The following XDH variants were observed in gnomAD, a reference collection of about 807,000 sequenced individuals.
XDH encodes the protein xanthine dehydrogenase, also known as xanthine dehydrogenase/oxidase.
XDH carries 138 observed loss-of-function variants against 156.1 expected under a neutral mutation model. The observed-to-expected ratio is 0.88, with a 90% CI of 0.77 to 1.02. XDH has a LOEUF of 1.02. XDH is among the 50% of genes least tolerant of loss of function. The pLI is 0.00. For synonymous variants in XDH, 669 were observed against 625.7 expected, an observed-to-expected ratio of 1.07 and a Z score of -1.03; for missense variants, 1,849 against 1,684.9, an observed-to-expected ratio of 1.10 and a Z score of -1.71.
intron 6 of XDH, among the ~76,000 whole-genome samples, chr2:31,394,027 G>A (rs1686840296): frequency 6.6e-6 from 1 of 151,750 alleles, no homozygotes; most frequent in Admixed American, 6.6e-5. Context: ...CAAATGCATG[G>A]TTGCTATGAT....
chr2:31,373,218 G>T (rs1686125197), intron 16 of XDH, among the ~76,000 whole-genome samples: 1 of 152,324 alleles, frequency 6.6e-6, no homozygotes. Flanking sequence ...TTAGGAAATG[G>T]CAGAGTGTGG....
At chr2:31,370,650 T>C (rs1333150594) in intron 17 of XDH, among the ~76,000 whole-genome samples, 172 bp from the exon 18 acceptor site, 1 of 152,242 alleles carries the variant, frequency 6.6e-6, no homozygotes, top group African/African-American at 2.4e-5. Flanking sequence ...TCTGCAAATG[T>C]TGATTAAATC....
chr2:31,397,783 G>T, intron 5 of XDH, 54 bp from the exon 6 acceptor site: 1 of 1,607,510 alleles, frequency 6.2e-7, no homozygotes. Context: ...GGATGGGTGA[G>T]GAGTTTGTGA....
chr2:31,381,597 G>C (rs561823271), intron 12 of XDH, 36 bp downstream of exon 12: 3 of 1,605,702 alleles, frequency 1.9e-6, no homozygotes, highest in South Asian at 1.1e-5. Flanking sequence ...TCTCCCCCAA[G>C]TCCTTCTTCC....
In XDH at chr2:31,346,347, A is replaced by C. The variant is rs573272104; in HGVS notation, c.3351+422T>G. ...GGTGATGTTTTCTCCCCACGCTGTC[A>C]CAGAGGGAATCTCAGTAGACTCAGA... On this transcript the variant is annotated intron_variant, in intron 30 of 35. Transcript: ENST00000379416. Among the ~76,000 whole-genome samples, 16 of 152,312 alleles carry C rather than the reference A, an allele frequency of 1.1e-4. 1 individual carries two copies. In the East Asian group the frequency reaches 3.1e-3, roughly 29 times the overall value.
intron 6 of XDH, among the ~76,000 whole-genome samples, chr2:31,396,024 G>A (rs72790647): frequency 0.019 from 2,930 of 152,238 alleles, 49 homozygotes; most frequent in Non-Finnish European, 0.029. Flanking sequence ...TGTGTGCTGT[G>A]GACAGGAAAG....
At chr2:31,364,601 G>C (rs1685860731) in intron 23 of XDH, among the ~76,000 whole-genome samples, 1 of 152,012 alleles carries the variant, frequency 6.6e-6, no homozygotes, top group African/African-American at 2.4e-5. Context: ...GAGAAACTAG[G>C]AAAGATACCG....
At chr2:31,362,289 C>G (rs1246602013) in intron 24 of XDH, among the ~76,000 whole-genome samples, 1 of 151,962 alleles carries the variant, frequency 6.6e-6, no homozygotes. Context: ...ATGTCTGGAT[C>G]CAAAAAGGGG....
chr2:31,401,975 T>C (rs1687072076), intron 3 of XDH, among the ~76,000 whole-genome samples: 1 of 152,202 alleles, frequency 6.6e-6, no homozygotes, highest in Non-Finnish European at 1.5e-5. Flanking sequence ...TTCAACAGAC[T>C]GCAGTCAACT....
intron 6 of XDH, among the ~76,000 whole-genome samples, chr2:31,395,530 T>C (rs1686879412): frequency 6.6e-6 from 1 of 152,356 alleles, no homozygotes; most frequent in Non-Finnish European, 1.5e-5. Flanking sequence ...CAAGGAGATT[T>C]TTCTCCAACA....
intron 18 of XDH, among the ~76,000 whole-genome samples, chr2:31,369,429 G>A (rs980715073): frequency 1.3e-5 from 2 of 152,044 alleles, no homozygotes; most frequent in African/African-American, 4.8e-5. Context: ...CAACATCCCC[G>A]AAAAAGTAAA....
In XDH at chr2:31,337,635, T is replaced by A; in HGVS notation, c.3951+6A>T. On this transcript the variant is annotated splice_donor_region_variant and intron_variant, in intron 35 of 35. Coordinates refer to ENST00000379416, the MANE Select transcript of XDH (RefSeq NM_000379.4). ...GGACTGAGTGGATGCTTGAGGGGCA[T>A]CATACCAGGGTGGTGAACTTGTCCA... 1 of 1,613,888 alleles carries A rather than the reference T, an allele frequency of 6.2e-7. No individual in the cohort carries two copies.
intron 32 of XDH, among the ~76,000 whole-genome samples, chr2:31,341,938 G>C (rs1332821013): frequency 6.6e-6 from 1 of 152,194 alleles, no homozygotes; most frequent in Non-Finnish European, 1.5e-5. Flanking sequence ...ACACTTATCT[G>C]TTTACAAGCT....
At chr2:31,344,867 T>C in intron 30 of XDH, 131 bp from the exon 31 acceptor site, 2 of 896,844 alleles carry the variant, frequency 2.2e-6, no homozygotes, top group Admixed American at 2.0e-5. Context: ...CCCATTTCCA[T>C]ACCTTACCTT....
chr2:31,390,139 C>G (rs530617331), intron 6 of XDH, among the ~76,000 whole-genome samples: 229 of 152,330 alleles, frequency 1.5e-3, no homozygotes, highest in Non-Finnish European at 2.8e-3. Flanking sequence ...AAGAGTTATA[C>G]TGCCCTAAAA....
Position 31,365,961 on chromosome 2 carries a change from G to A in XDH, c.2456+15C>T, listed in dbSNP as rs1329486702. The A allele has an allele frequency of 6.2e-7, 1 of 1,614,166 alleles. No individual in the cohort carries two copies. Among genetic ancestry groups the A allele is most frequent in the Middle Eastern group, 1.6e-4 (1 of 6,062 alleles). On this transcript the variant is annotated intron_variant, in intron 22 of 35. Coordinates refer to ENST00000379416, the MANE Select transcript of XDH (RefSeq NM_000379.4). ...TTCCCAGAGCCAGATGGGAGAAACAGGCTTTGGAACTCACTTATATGCAGC... is the reference window on the plus strand; with the variant it reads ...TTCCCAGAGCCAGATGGGAGAAACAAGCTTTGGAACTCACTTATATGCAGC...
intron 31 of XDH, among the ~76,000 whole-genome samples, chr2:31,343,837 T>C (rs1401626183): frequency 6.6e-6 from 1 of 151,294 alleles, no homozygotes; most frequent in African/African-American, 2.4e-5. Context: ...TGTTCATATA[T>C]ATATTCATAT....
chr2:31,341,548 G>A (rs1572509373), intron 32 of XDH, among the ~76,000 whole-genome samples, 154 bp from the exon 33 acceptor site: 2 of 152,264 alleles, frequency 1.3e-5, no homozygotes, highest in East Asian at 3.9e-4. Context: ...AAGTGTTGAT[G>A]TTCCCACCAA....
At chr2:31,365,341 G>T in intron 23 of XDH, 116 bp downstream of exon 23, 2 of 1,067,054 alleles carry the variant, frequency 1.9e-6, no homozygotes, top group South Asian at 2.6e-5. Flanking sequence ...TATCTTATTT[G>T]AACTTCTACA....
Sources: allele counts gnomAD v4.1 joint callset (sites outside exome capture counted in the v4.1 genomes callset), GRCh38; gene constraint gnomAD v4.1.1; transcripts MANE v1.5; gene names NCBI Gene and HGNC (gene_info 2026-07-23, HGNC 2026-07-21).